Variants in POLN observed in about 807,000 individuals in gnomAD.
POLN encodes the protein DNA polymerase nu, also known as DNA polymerase N.
Under a neutral mutation model 113.5 loss-of-function variants are expected in POLN, and 108 were observed. The observed-to-expected ratio is 0.95, with a 90% CI of 0.81 to 1.12. The LOEUF is 1.12. POLN is among the 50% of genes most tolerant of loss of function. The pLI, the probability that POLN is intolerant of heterozygous loss-of-function variation, is 0.00. For synonymous variants in POLN, 386 were observed against 391.5 expected, an observed-to-expected ratio of 0.99 and a Z score of 0.17; for missense variants, 1,097 against 1,077.1, an observed-to-expected ratio of 1.02 and a Z score of -0.26.
At chr4:2,086,842 C>G (rs1385324184) in intron 20 of POLN, among the ~76,000 whole-genome samples, 1 of 152,122 alleles carries the variant, frequency 6.6e-6, no homozygotes, top group Non-Finnish European at 1.5e-5. Context: ...CTAGAGGGTG[C>G]TCCAGGGACC....
At chr4:2,098,714 C>T (rs189636391) in intron 19 of POLN, among the ~76,000 whole-genome samples, 2 of 152,308 alleles carry the variant, frequency 1.3e-5, no homozygotes, top group East Asian at 3.9e-4. Context: ...GCTGAGAGGG[C>T]CTAGAAGCAA....
intron 16 of POLN, among the ~76,000 whole-genome samples, chr4:2,135,941 C>G (rs556970415): frequency 6.6e-6 from 1 of 152,240 alleles, no homozygotes; most frequent in East Asian, 1.9e-4. Context: ...TTACTCTCCT[C>G]GGGCGAGGAG....
intron 3 of POLN, among the ~76,000 whole-genome samples, chr4:2,222,326 G>C (rs1031986203): frequency 6.6e-6 from 1 of 151,982 alleles, no homozygotes; most frequent in Non-Finnish European, 1.5e-5. Context: ...GTAGGCTCAA[G>C]ATGCCCAGGA....
At chr4:2,207,896 T>A in intron 5 of POLN, 91 bp downstream of exon 5, 1 of 1,429,448 alleles carries the variant, frequency 7.0e-7, no homozygotes, top group Non-Finnish European at 9.4e-7. Context: ...TAAAATCTTG[T>A]TTCTAGCTCT....
intron 19 of POLN, among the ~76,000 whole-genome samples, chr4:2,096,867 G>A (rs943168395): frequency 7.9e-5 from 12 of 152,140 alleles, no homozygotes; most frequent in African/African-American, 2.7e-4. Flanking sequence ...TACTTGCACT[G>A]AGCATAGAGA....
rs1402729459 is a variant in POLN at position 2,239,186 on chromosome 4, T to C, written c.-13+2334A>G. 3 of 515,596 alleles carry C rather than the reference T, an allele frequency of 5.8e-6. No homozygotes were observed. In the Admixed American group the frequency reaches 1.1e-4, roughly 19 times the overall value. 31.9% of individuals were successfully genotyped at this position (515,596 alleles called of 1,614,324 possible). On this transcript the variant is annotated intron_variant, in intron 2 of 25. Coordinates refer to ENST00000511885, the MANE Select transcript of POLN (RefSeq NM_181808.4). Reference sequence around the variant, plus strand: ...ATTTAATATTCATATAAACAAAAATTACAGTTTAAAAGGGAAAAATGTGGA... The same window carrying C: ...ATTTAATATTCATATAAACAAAAATCACAGTTTAAAAGGGAAAAATGTGGA...
intron 16 of POLN, among the ~76,000 whole-genome samples, chr4:2,154,090 C>T (rs1256715792): frequency 1.4e-4 from 20 of 145,216 alleles, no homozygotes; most frequent in Admixed American, 1.3e-3. Context: ...CCTAGCTACT[C>T]GGGAGGCTGA....
chr4:2,082,566 A>C (rs1192611411), intron 21 of POLN: 1 of 152,212 alleles, frequency 6.6e-6, no homozygotes, highest in Non-Finnish European at 1.5e-5. Flanking sequence ...ACCAGTGAGG[A>C]CTTCTGCTTT....
At chr4:2,182,656 C>T (rs1373756326) in intron 7 of POLN, among the ~76,000 whole-genome samples, 1 of 151,898 alleles carries the variant, frequency 6.6e-6, no homozygotes, top group Non-Finnish European at 1.5e-5. Flanking sequence ...ACACCATATG[C>T]AAAAATTAAC....
At chr4:2,154,193 C>G (rs1732366733) in intron 16 of POLN, among the ~76,000 whole-genome samples, 1 of 70,586 alleles carries the variant, frequency 1.4e-5, no homozygotes, top group South Asian at 7.8e-4. Context: ...GAGACTCCAT[C>G]TCAACAAAAA....
At chr4:2,214,642 T>A (rs1734069268) in intron 3 of POLN, among the ~76,000 whole-genome samples, 1 of 152,166 alleles carries the variant, frequency 6.6e-6, no homozygotes, top group Non-Finnish European at 1.5e-5. Flanking sequence ...GGTAGTCTCA[T>A]GTATTGCTGG....
At chr4:2,131,946 C>G (rs568606485) in intron 16 of POLN, among the ~76,000 whole-genome samples, 3 of 152,138 alleles carry the variant, frequency 2.0e-5, no homozygotes, top group African/African-American at 7.2e-5. Context: ...ACAATAATAC[C>G]CTGCTTTGTC....
intron 22 of POLN, 159 bp from the exon 23 acceptor site, chr4:2,081,195 C>T: frequency 4.4e-6 from 7 of 1,581,408 alleles, no homozygotes; most frequent in Non-Finnish European, 6.0e-6. Context: ...CAGGCAGACA[C>T]TTCGTCCTTG....
At chr4:2,197,730 C>T (rs1733616406) in intron 6 of POLN, among the ~76,000 whole-genome samples, 1 of 152,220 alleles carries the variant, frequency 6.6e-6, no homozygotes, top group Non-Finnish European at 1.5e-5. Context: ...CATTCCCCTT[C>T]TCCCCAAAAG....
At chr4:2,202,155 C>T (rs1451914877) in intron 5 of POLN, among the ~76,000 whole-genome samples, 2 of 151,990 alleles carry the variant, frequency 1.3e-5, no homozygotes, top group Non-Finnish European at 2.9e-5. Flanking sequence ...CGTATACCAG[C>T]AACAAATAGT....
Position 2,085,597 on chromosome 4 carries a change from G to A in POLN, c.2197+16C>T, listed in dbSNP as rs750301717. Reference sequence around the variant, plus strand: ...GGTTGGCAGGGAGCAGGGAGCTCTGGTTGTGGCCAACTCACCTGTCTGGTG... The same window carrying A: ...GGTTGGCAGGGAGCAGGGAGCTCTGATTGTGGCCAACTCACCTGTCTGGTG... On this transcript the variant is annotated intron_variant, in intron 21 of 25. Transcript: ENST00000511885. 2 of 1,613,566 alleles carry A rather than the reference G, an allele frequency of 1.2e-6. No individual in the cohort carries two copies. Among genetic ancestry groups the A allele is most frequent in the Non-Finnish European group, 1.7e-6 (2 of 1,179,904 alleles).
chr4:2,193,871 G>A (rs1577759674), intron 6 of POLN, among the ~76,000 whole-genome samples: 1 of 152,144 alleles, frequency 6.6e-6, no homozygotes, highest in African/African-American at 2.4e-5. Context: ...TCCCTCTTCT[G>A]TATCTCTTCT....
rs1730713063 is a variant in POLN, at chr4:2,093,513, G to T, written c.2065+2338C>A. ...GGCCACACAGTCAGGAGCTGATAGGGTTGGGGATCAAGCCCAGGCTGCCGG... is the reference window on the plus strand; with the variant it reads ...GGCCACACAGTCAGGAGCTGATAGGTTTGGGGATCAAGCCCAGGCTGCCGG... On this transcript the variant is annotated intron_variant, in intron 20 of 25. Transcript: ENST00000511885. The surrounding 1 kb of genome is among the most constrained non-coding windows in gnomAD (Gnocchi z 4.1). Among the ~76,000 whole-genome samples, 1 of 152,230 alleles carries T rather than the reference G, an allele frequency of 6.6e-6. No individual in the cohort carries two copies. The highest frequency in any genetic ancestry group is 2.4e-5 in the African/African-American group (1 of 41,458).
chr4:2,080,897 G>T, intron 23 of POLN, 61 bp downstream of exon 23: 1 of 1,611,496 alleles, frequency 6.2e-7, no homozygotes, highest in Non-Finnish European at 8.5e-7. Context: ...AGCCCCGAGG[G>T]GGTCTTCCCA....
Sources: gnomAD v4.1 joint callset for allele counts (sites outside exome capture counted in the v4.1 genomes callset) on GRCh38, gnomAD v4.1.1 for gene constraint, Gnocchi (gnomAD v3.1) non-coding constraint, MANE v1.5 for transcripts, NCBI Gene and HGNC (gene_info 2026-07-23, HGNC 2026-07-21) for gene names.